Variants in PAX3 observed in about 807,000 individuals in gnomAD.
PAX3 encodes paired box 3.
A neutral mutation model predicts 51.6 loss-of-function variants in PAX3; 14 were observed. That is an observed-to-expected ratio of 0.27 (90% CI 0.18 to 0.42). The LOEUF (loss-of-function observed/expected upper bound fraction) is 0.42, where lower values mean the gene tolerates loss of function less well. Ranked by LOEUF, PAX3 falls within the 10% of genes least tolerant of loss-of-function variation. The probability of loss-of-function intolerance (pLI) is 1.00; values close to 1 mark genes in which losing one functional copy is unlikely to be tolerated. For missense variants in PAX3, 540 were observed against 642.8 expected (o/e 0.84, Z 1.73); for synonymous variants, 280 against 253.4 (o/e 1.11, Z -1.00).
intron 4 of PAX3, among the ~76,000 whole-genome samples, chr2:222,256,543 C>G (rs1298919108): frequency 6.6e-6 from 1 of 152,018 alleles, no homozygotes; most frequent in East Asian, 1.9e-4. Context: ...TCCCTCGGCC[C>G]CAGAGACTCG....
At chr2:222,291,192 G>C (rs12470153) in intron 4 of PAX3, among the ~76,000 whole-genome samples, 89,642 of 152,024 alleles carry the variant, frequency 0.59, 28,314 homozygotes, top group East Asian at 0.87. Flanking sequence ...TGCGCAGGGC[G>C]GTGCCCACAG....
intron 4 of PAX3, among the ~76,000 whole-genome samples, chr2:222,276,275 C>T (rs556931903): frequency 3.9e-5 from 6 of 152,196 alleles, no homozygotes; most frequent in African/African-American, 7.2e-5. Flanking sequence ...CAAGAAAGCA[C>T]GCATCTCCCT....
chr2:222,251,151 C>T lies in PAX3; in HGVS notation c.587-18868G>A, dbSNP rs926528880. 3.3e-5 allele frequency among the ~76,000 whole-genome samples: 5 copies of T among 151,924 alleles called. No individual in the cohort carries two copies. In the South Asian group the frequency reaches 8.3e-4, roughly 25 times the overall value. On this transcript the variant is annotated intron_variant, in intron 4 of 8. Transcript: ENST00000392070. ...TAAGTTTTAGGGTACATGTGCACAA[C>T]GTGCAGGTTTGTTACATATGTATAC...
At chr2:222,223,730 G>A (rs903645477) in intron 5 of PAX3, among the ~76,000 whole-genome samples, 16 of 152,196 alleles carry the variant, frequency 1.1e-4, no homozygotes, top group African/African-American at 3.9e-4. Flanking sequence ...ATTGCTGGGA[G>A]GAGAACTGGA....
At chr2:222,242,889 C>T (rs1029293590) in intron 4 of PAX3, among the ~76,000 whole-genome samples, 2 of 152,190 alleles carry the variant, frequency 1.3e-5, no homozygotes, top group African/African-American at 4.8e-5. Flanking sequence ...AGACAAAGTA[C>T]TTTGCCTTCA....
intron 4 of PAX3, among the ~76,000 whole-genome samples, chr2:222,247,897 T>G (rs1693287585): frequency 6.6e-6 from 1 of 150,534 alleles, no homozygotes; most frequent in African/African-American, 2.4e-5. Flanking sequence ...ATCTACCTCA[T>G]TACATCTTTA....
intron 4 of PAX3, among the ~76,000 whole-genome samples, chr2:222,267,405 C>T (rs756894646): frequency 6.6e-6 from 1 of 152,144 alleles, no homozygotes; most frequent in Non-Finnish European, 1.5e-5. Context: ...AGATATATGA[C>T]TTTTAGTCAC....
intron 4 of PAX3, among the ~76,000 whole-genome samples, chr2:222,283,880 T>C (rs1207099087): frequency 6.6e-6 from 1 of 152,260 alleles, no homozygotes; most frequent in Non-Finnish European, 1.5e-5. Flanking sequence ...GTGGCTGCAC[T>C]GCCAAGCTGC....
chr2:222,293,677 A>G (rs530344939), intron 4 of PAX3: 2 of 1,614,036 alleles, frequency 1.2e-6, no homozygotes, highest in East Asian at 4.5e-5. Flanking sequence ...TGTGGGGGCA[A>G]TTTTGGAGGG....
At chr2:222,273,170 G>T (rs1694308431) in intron 4 of PAX3, among the ~76,000 whole-genome samples, 1 of 152,144 alleles carries the variant, frequency 6.6e-6, no homozygotes, top group African/African-American at 2.4e-5. Flanking sequence ...CAGCCAGCCT[G>T]GCAGGACATG....
At chr2:222,247,544 G>T (rs1227021154) in intron 4 of PAX3, among the ~76,000 whole-genome samples, 1 of 152,148 alleles carries the variant, frequency 6.6e-6, no homozygotes, top group Non-Finnish European at 1.5e-5. Context: ...TCAGAGGAAT[G>T]AAATGATACC....
chr2:222,297,982 G>T (rs1015323465), intron 1 of PAX3, among the ~76,000 whole-genome samples: 1 of 152,106 alleles, frequency 6.6e-6, no homozygotes. Context: ...ACGGAAAGGC[G>T]ATTCCTAAAC....
intron 5 of PAX3, among the ~76,000 whole-genome samples, chr2:222,222,466 G>A (rs180778997): frequency 4.6e-5 from 7 of 151,704 alleles, no homozygotes; most frequent in African/African-American, 1.7e-4. Flanking sequence ...TGCAATGGCG[G>A]GATCTCAGTT....
At chr2:222,248,001 A>T (rs1028445661) in intron 4 of PAX3, among the ~76,000 whole-genome samples, 1 of 152,168 alleles carries the variant, frequency 6.6e-6, no homozygotes, top group African/African-American at 2.4e-5. Flanking sequence ...TACATGTCAG[A>T]GCTTCAAAGA....
At chr2:222,259,162 G>C (rs193202981) in intron 4 of PAX3, among the ~76,000 whole-genome samples, 1 of 152,020 alleles carries the variant, frequency 6.6e-6, no homozygotes, top group Non-Finnish European at 1.5e-5. Context: ...GGTTTCTTGC[G>C]AAAGGAAAAA....
At chr2:222,234,506 G>T (rs1268801928) in intron 4 of PAX3, among the ~76,000 whole-genome samples, 1 of 152,218 alleles carries the variant, frequency 6.6e-6, no homozygotes, top group African/African-American at 2.4e-5. Flanking sequence ...AATAATTTGT[G>T]CCGAGTCATA....
chr2:222,263,651 A>T (rs1466062734), intron 4 of PAX3: 1 of 152,222 alleles, frequency 6.6e-6, no homozygotes, highest in Non-Finnish European at 1.5e-5. Flanking sequence ...ACTTGTGTTC[A>T]CACAAAACCT....
At position 222,297,204 on chromosome 2, in the gene PAX3, G is replaced by T; in HGVS notation, c.95C>A (p.Pro32His). 6.3e-7 allele frequency: 1 copy of T among 1,579,092 alleles called. No homozygotes were observed. Among genetic ancestry groups the T allele is most frequent in the Non-Finnish European group, 8.6e-7 (1 of 1,162,050 alleles). The change falls in exon 2 of 9, where the codon CCC becomes CAC. Residue 32 changes from proline (P) to histidine (H), a missense_variant. Pro to His is a moderately conservative substitution (Grantham distance 77). Around this residue, in one of 3 missense-constraint regions of PAX3, gnomAD observed 63 missense variants for 49.9 expected, o/e 1.26. Transcript: ENST00000392070. ...CTGGTTGACGCGGCCCTGGCCGAGG[G>T]GAGTGGACACTGTGGGAAGGTGAAA... is the stretch of plus-strand genomic sequence containing the variant. ...RSGFPLEVSTPLGQGRVNQLG... is the reference protein window; with the variant it reads ...RSGFPLEVSTHLGQGRVNQLG...
At chr2:222,284,741 C>T (rs1574747112) in intron 4 of PAX3, among the ~76,000 whole-genome samples, 1 of 152,222 alleles carries the variant, frequency 6.6e-6, no homozygotes, top group Non-Finnish European at 1.5e-5. Context: ...TCTGAGTGTT[C>T]AGAGATTATT....
Sources: gnomAD v4.1 joint callset for allele counts (sites outside exome capture counted in the v4.1 genomes callset) on GRCh38, gnomAD v4.1.1 for gene constraint, gnomAD v4.1.1 regional missense constraint, MANE v1.5 for transcripts, NCBI Gene and HGNC (gene_info 2026-07-23, HGNC 2026-07-21) for gene names.